The following CSMD1 variants were observed in gnomAD, a reference collection of about 807,000 sequenced individuals.
CSMD1 encodes the protein CUB and sushi domain-containing protein 1.
Under a neutral mutation model 417.5 loss-of-function variants are expected in CSMD1, and 213 were observed. That is an observed-to-expected ratio of 0.51 (90% CI 0.46 to 0.57). CSMD1 has a LOEUF of 0.57. Ranked by LOEUF, CSMD1 falls within the 20% of genes least tolerant of loss-of-function variation. The probability of loss-of-function intolerance (pLI) is 0.00; values close to 1 mark genes in which losing one functional copy is unlikely to be tolerated. For synonymous variants in CSMD1, 2,862 were observed against 1,736.8 expected, an observed-to-expected ratio of 1.65 and a Z score of -16.11; for missense variants, 6,923 against 4,529.7, an observed-to-expected ratio of 1.53 and a Z score of -15.17.
intron 3 of CSMD1, among the ~76,000 whole-genome samples, chr8:4,344,087 G>A (rs906268522): frequency 1.3e-5 from 2 of 152,130 alleles, no homozygotes; most frequent in African/African-American, 4.8e-5. Flanking sequence ...GCTTAACACG[G>A]TATACCAGCA....
intron 23 of CSMD1, among the ~76,000 whole-genome samples, chr8:3,328,148 T>C (rs891758031): frequency 2.0e-5 from 3 of 152,234 alleles, no homozygotes; most frequent in Non-Finnish European, 4.4e-5. Context: ...CCAAGCCACT[T>C]ACTTTCCCTA....
intron 5 of CSMD1, among the ~76,000 whole-genome samples, chr8:3,956,497 G>A (rs1811957385): frequency 6.6e-6 from 1 of 152,026 alleles, no homozygotes. Context: ...AGAGATTGTA[G>A]GAAAAATAAA....
rs753720815 is a variant in CSMD1, at chr8:3,408,206, A to G, written c.1764T>C (p.Phe588=). The G allele has an allele frequency of 1.2e-6, 2 of 1,603,784 alleles. No homozygotes were observed. The highest frequency in any genetic ancestry group is 2.2e-5 in the South Asian group (2 of 89,780). Residue 588 remains phenylalanine (F), a synonymous_variant, in exon 14 of 70, where the codon TTT becomes TTC. Coordinates refer to ENST00000635120, the MANE Select transcript of CSMD1 (RefSeq NM_033225.6). The stretch of plus-strand genomic sequence containing the variant: ...ACAGAATAATCCCAGATGATGCCGT[A>G]AAGTTGAAGAAACATGAAACTGTGA... The part of the protein sequence containing the change: ...PSCVFSCFFN[F]TASSGIILSP...
At chr8:4,220,412 C>T (rs1191199165) in intron 3 of CSMD1, among the ~76,000 whole-genome samples, 1 of 152,168 alleles carries the variant, frequency 6.6e-6, no homozygotes, top group Non-Finnish European at 1.5e-5. Context: ...TAGTGTTTAG[C>T]AGTATGCGAC....
At chr8:3,784,988 C>G (rs952130521) in intron 5 of CSMD1, among the ~76,000 whole-genome samples, 9 of 152,172 alleles carry the variant, frequency 5.9e-5, no homozygotes, top group Admixed American at 2.6e-4. Flanking sequence ...AAATGTCTCT[C>G]ATGTCAGATT....
At chr8:4,711,558 G>T (rs532022752) in intron 1 of CSMD1, among the ~76,000 whole-genome samples, 2 of 151,784 alleles carry the variant, frequency 1.3e-5, no homozygotes, top group East Asian at 3.9e-4. Flanking sequence ...TTCAACAAAG[G>T]ACAGAGAAAT....
intron 1 of CSMD1, among the ~76,000 whole-genome samples, chr8:4,930,625 C>T (rs765609930): frequency 1.2e-4 from 19 of 152,134 alleles, no homozygotes; most frequent in Non-Finnish European, 2.5e-4. Context: ...ACCTGTCTCT[C>T]CAAAGACTGG....
At chr8:4,804,253 A>G (rs974111898) in intron 1 of CSMD1, among the ~76,000 whole-genome samples, 1 of 152,208 alleles carries the variant, frequency 6.6e-6, no homozygotes, top group Non-Finnish European at 1.5e-5. Context: ...AAGCTCCAGG[A>G]AAATAAGCCT....
intron 3 of CSMD1, among the ~76,000 whole-genome samples, chr8:4,142,860 T>A (rs1201141631): frequency 6.6e-6 from 1 of 151,154 alleles, no homozygotes. Flanking sequence ...GTTTCTAATA[T>A]CATCATTTGA....
chr8:4,020,462 G>T (rs569339737), intron 4 of CSMD1, among the ~76,000 whole-genome samples: 1 of 152,172 alleles, frequency 6.6e-6, no homozygotes, highest in East Asian at 1.9e-4. Flanking sequence ...ATAGGGCTTG[G>T]TTATGTGACC....
intron 3 of CSMD1, among the ~76,000 whole-genome samples, chr8:4,046,268 AT>A (rs1265549144): frequency 2.0e-5 from 3 of 152,138 alleles, no homozygotes; most frequent in African/African-American, 7.2e-5. Context: ...TAATTATTGA[AT>A]TCTTGGCTGT....
intron 3 of CSMD1, among the ~76,000 whole-genome samples, chr8:4,137,199 G>A (rs568062819): frequency 1.2e-3 from 178 of 152,236 alleles, no homozygotes; most frequent in African/African-American, 4.0e-3. Flanking sequence ...GCCTCATCTT[G>A]CCTGGAAACA....
intron 5 of CSMD1, among the ~76,000 whole-genome samples, chr8:3,764,353 C>G (rs983488944): frequency 2.6e-5 from 4 of 152,170 alleles, no homozygotes; most frequent in Admixed American, 2.6e-4. Context: ...CCTCTCTGCT[C>G]TAAACCACAT....
chr8:4,404,418 T>C (rs1232518418), intron 3 of CSMD1, among the ~76,000 whole-genome samples: 2 of 152,188 alleles, frequency 1.3e-5, no homozygotes, highest in Non-Finnish European at 2.9e-5. Flanking sequence ...TTTCAGTTAA[T>C]CATCAATAAA....
At chr8:4,887,486 T>A (rs1451902587) in intron 1 of CSMD1, among the ~76,000 whole-genome samples, 2 of 152,080 alleles carry the variant, frequency 1.3e-5, no homozygotes, top group Non-Finnish European at 2.9e-5. Context: ...TACGTGTAGA[T>A]AATTCATGAT....
At chr8:4,176,694 G>C (rs1296776031) in intron 3 of CSMD1, among the ~76,000 whole-genome samples, 1 of 150,896 alleles carries the variant, frequency 6.6e-6, no homozygotes, top group East Asian at 1.9e-4. Context: ...CATCTCACGT[G>C]CAGAGACACA....
chr8:4,005,270 C>G (rs944733691), intron 4 of CSMD1, among the ~76,000 whole-genome samples: 1 of 152,100 alleles, frequency 6.6e-6, no homozygotes, highest in African/African-American at 2.4e-5. Context: ...CATCTACACC[C>G]CAATAACTTA....
chr8:3,027,115 T>C (rs1809989293), intron 51 of CSMD1, among the ~76,000 whole-genome samples: 1 of 152,134 alleles, frequency 6.6e-6, no homozygotes, highest in Admixed American at 6.5e-5. Flanking sequence ...TTTAAAAAAT[T>C]TTTTTAAATG....
At chr8:4,106,081 T>A (rs13262992) in intron 3 of CSMD1, among the ~76,000 whole-genome samples, 130,132 of 152,252 alleles carry the variant, frequency 0.85, 56,304 homozygotes, top group South Asian at 0.96. Context: ...AAGAGCTATG[T>A]AGAGTCTCTG....
Sources: gnomAD v4.1 joint callset for allele counts (sites outside exome capture counted in the v4.1 genomes callset) on GRCh38, gnomAD v4.1.1 for gene constraint, MANE v1.5 for transcripts, NCBI Gene and HGNC (gene_info 2026-07-23, HGNC 2026-07-21) for gene names.